Variants in RPS6KA2 observed in about 807,000 individuals in gnomAD.
The protein encoded by RPS6KA2 is ribosomal protein S6 kinase alpha-2.
A neutral mutation model predicts 91.8 loss-of-function variants in RPS6KA2; 42 were observed. The ratio of observed to expected loss-of-function variants is 0.46; its 90% CI spans 0.36 to 0.59. RPS6KA2 has a LOEUF of 0.59. Ranked by LOEUF, RPS6KA2 falls within the 20% of genes least tolerant of loss-of-function variation. RPS6KA2 has a pLI of 0.00. For missense variants in RPS6KA2, 798 were observed against 978.5 expected, an observed-to-expected ratio of 0.82 and a Z score of 2.46; for synonymous variants, 414 against 393.6, an observed-to-expected ratio of 1.05 and a Z score of -0.61.
chr6:166,651,083 C>T (rs911011499), intron 2 of RPS6KA2, among the ~76,000 whole-genome samples: 8 of 152,118 alleles, frequency 5.3e-5, no homozygotes, highest in East Asian at 1.9e-4. Context: ...GCTGTCAATC[C>T]GAAAATGTCA....
Position 166,635,770 on chromosome 6 carries a change from T to A in RPS6KA2, c.124-96986A>T, listed in dbSNP as rs1411205282. Among the ~76,000 whole-genome samples, 1 of 152,030 alleles carries A rather than the reference T, an allele frequency of 6.6e-6. No individual in the cohort carries two copies. The highest frequency in any genetic ancestry group is 1.5e-5 in the Non-Finnish European group (1 of 67,976). On this transcript the variant is annotated intron_variant, in intron 2 of 21. Coordinates refer to the RPS6KA2 transcript ENST00000503859. The surrounding 1 kb of genome is among the most constrained non-coding windows in gnomAD (Gnocchi z 4.8). The stretch of plus-strand genomic sequence containing the variant: ...CTCTGAGCCTGCCCACCTACTGCGC[T>A]CACCCCAGGACAAGCCACCATCCCC...
rs933999679 is a variant in RPS6KA2 at position 166,733,419 on chromosome 6, G to C, written c.123+124781C>G. 8.5e-5 allele frequency among the ~76,000 whole-genome samples: 13 copies of C among 152,164 alleles called. No individual in the cohort carries two copies. Among genetic ancestry groups the C allele is most frequent in the African/African-American group, 2.7e-4 (11 of 41,442 alleles). On this transcript the variant is annotated intron_variant, in intron 2 of 21. Coordinates refer to the RPS6KA2 transcript ENST00000503859. The surrounding 1 kb of genome is among the most constrained non-coding windows in gnomAD (Gnocchi z 4.1). ...TTTGCATTGTCGTCCAGGAAATTTA[G>C]AGGCCAACGAGGGCAGGATCTACTC... is the stretch of plus-strand genomic sequence containing the variant.
intron 10 of RPS6KA2, among the ~76,000 whole-genome samples, chr6:166,486,349 G>A (rs1453664168): frequency 2.0e-5 from 3 of 152,158 alleles, no homozygotes; most frequent in East Asian, 1.9e-4. Context: ...CTGATCAGGC[G>A]TCCTCCCCTC....
At chr6:166,764,339 G>A (rs904616878) in intron 2 of RPS6KA2, among the ~76,000 whole-genome samples, 2 of 152,190 alleles carry the variant, frequency 1.3e-5, no homozygotes, top group Non-Finnish European at 2.9e-5. Context: ...AGGAAGAGTG[G>A]GAGGCTCTGC....
In RPS6KA2 at chr6:166,557,002, A is replaced by T. The variant is rs944255600; in HGVS notation, c.100-18218T>A. On this transcript the variant is annotated intron_variant, in intron 1 of 20. Coordinates refer to ENST00000265678, the MANE Select transcript of RPS6KA2 (RefSeq NM_021135.6). The surrounding 1 kb of genome is among the most constrained non-coding windows in gnomAD (Gnocchi z 4.8). The stretch of plus-strand genomic sequence containing the variant: ...TGGCCAAGTCCACGAGTTCTCAGGC[A>T]AGTGCCAAGAAACCTGCATGCCAGC... 6.6e-6 allele frequency among the ~76,000 whole-genome samples: 1 copy of T among 152,246 alleles called. No homozygotes were observed. The highest frequency in any genetic ancestry group is 1.5e-5 in the Non-Finnish European group (1 of 68,042).
intron 2 of RPS6KA2, among the ~76,000 whole-genome samples, chr6:166,777,879 AAG>A (rs1306762056): frequency 6.6e-6 from 1 of 152,228 alleles, no homozygotes; most frequent in East Asian, 1.9e-4. Flanking sequence ...TAAGCTATAA[AAG>A]AGACATCTAA....
At position 166,412,517 on chromosome 6, in the gene RPS6KA2, G is replaced by A. The variant is rs1778341481; in HGVS notation, c.*245C>T. ...GCCTCGCACGGGCACGCGAGGTGAA[G>A]GGGCGCATTTGGTTTCGCTTGGGAG... On this transcript the variant is annotated 3_prime_UTR_variant, in exon 21 of 21. Coordinates refer to ENST00000265678, the MANE Select transcript of RPS6KA2 (RefSeq NM_021135.6). This position sits in a 1 kb window ranked among gnomAD's most constrained non-coding sequence, Gnocchi z 4.3. 1.6e-5 allele frequency: 6 copies of A among 372,498 alleles called. No individual in the cohort carries two copies. Among genetic ancestry groups the A allele is most frequent in the South Asian group, 6.0e-5 (1 of 16,700 alleles). The allele number at this position is 372,498 out of a possible 1,614,324, so 23.1% of individuals were successfully genotyped here. A position where few individuals can be genotyped will look rare whatever the true frequency, so the allele number is the denominator to read the frequency against.
In RPS6KA2 at chr6:166,852,376, C is replaced by T. The variant is rs1267177307; in HGVS notation, c.123+5824G>A. On this transcript the variant is annotated intron_variant, in intron 2 of 21. Coordinates refer to the RPS6KA2 transcript ENST00000503859. This position sits in a 1 kb window ranked among gnomAD's most constrained non-coding sequence, Gnocchi z 4.1. ...CTTAATTGCTTCATTAGTGCCTGGG[C>T]TTCATTATTCACCTTGTCTCACTTC... Among the ~76,000 whole-genome samples the T allele has an allele frequency of 6.6e-6, 1 of 152,206 alleles. No individual in the cohort carries two copies. Among genetic ancestry groups the T allele is most frequent in the Non-Finnish European group, 1.5e-5 (1 of 68,042 alleles).
At chr6:166,478,112 C>T (rs2294324) in intron 10 of RPS6KA2, among the ~76,000 whole-genome samples, 7,946 of 152,268 alleles carry the variant, frequency 0.052, 392 homozygotes, top group African/African-American at 0.13. Context: ...CGCATGTGGC[C>T]CCACAGGTGG....
At chr6:166,479,314 C>T (rs1407377889) in intron 10 of RPS6KA2, among the ~76,000 whole-genome samples, 1 of 152,228 alleles carries the variant, frequency 6.6e-6, no homozygotes, top group Non-Finnish European at 1.5e-5. Flanking sequence ...TTGCTCTGGA[C>T]GAAAGCACCC....
intron 10 of RPS6KA2, chr6:166,475,832 T>C (rs1305095459): frequency 1.9e-6 from 1 of 513,998 alleles, no homozygotes; most frequent in South Asian, 1.4e-5. Flanking sequence ...AGAGGGCCGT[T>C]TTCTCACCTG....
upstream of RPS6KA2, among the ~76,000 whole-genome samples, chr6:166,629,415 ACTGTT>A (rs879776847): frequency 1.4e-4 from 21 of 152,324 alleles, no homozygotes; most frequent in Admixed American, 4.6e-4. Flanking sequence ...AGGCAACAAA[ACTGTT>A]CTGTTGAACT....
Position 166,563,927 on chromosome 6 carries a change from G to A in RPS6KA2, c.100-25143C>T, listed in dbSNP as rs1253418934. Among the ~76,000 whole-genome samples, 4 of 152,150 alleles carry A rather than the reference G, an allele frequency of 2.6e-5. No homozygotes were observed. Among genetic ancestry groups the A allele is most frequent in the Non-Finnish European group, 4.4e-5 (3 of 68,028 alleles). On this transcript the variant is annotated intron_variant, in intron 1 of 20. Transcript: ENST00000265678. The surrounding 1 kb of genome is among the most constrained non-coding windows in gnomAD (Gnocchi z 4.1). The stretch of plus-strand genomic sequence containing the variant: ...ACACGCAGCTGGACGTGGCAGGAAA[G>A]AGGAGACGATTACTCCGTGTCTCAG...
chr6:166,742,461 T>C (rs1422460943), intron 2 of RPS6KA2, among the ~76,000 whole-genome samples: 2 of 152,206 alleles, frequency 1.3e-5, no homozygotes, highest in East Asian at 3.8e-4. Flanking sequence ...TGCATTTGCG[T>C]GGCAAAATGC....
At chr6:166,827,324 C>G (rs539554099) in intron 2 of RPS6KA2, among the ~76,000 whole-genome samples, 1 of 149,854 alleles carries the variant, frequency 6.7e-6, no homozygotes, top group South Asian at 2.1e-4. Flanking sequence ...AACTGCCTGT[C>G]CAACCTCGGA....
rs1019691924 is a variant in RPS6KA2 at position 166,508,784 on chromosome 6, C to A, written c.380-502G>T. Reference sequence around the variant, plus strand: ...GAGGCAGTTCTGGTGATAGGTCAGCCCAGTTATTTGAACATCAACAATGGG... The same window carrying A: ...GAGGCAGTTCTGGTGATAGGTCAGCACAGTTATTTGAACATCAACAATGGG... On this transcript the variant is annotated intron_variant, in intron 4 of 20. Transcript: ENST00000265678. This position sits in a 1 kb window ranked among gnomAD's most constrained non-coding sequence, Gnocchi z 4.3. Among the ~76,000 whole-genome samples, 4 of 152,152 alleles carry A rather than the reference C, an allele frequency of 2.6e-5. No homozygotes were observed. Among genetic ancestry groups the A allele is most frequent in the African/African-American group, 9.7e-5 (4 of 41,434 alleles).
rs1582969467 is a variant in RPS6KA2, at chr6:166,635,364, G to A, written c.124-96580C>T. The stretch of plus-strand genomic sequence containing the variant: ...CTCTGGGGTAGCACAGACAAGCCAG[G>A]GTGCGTTCACTCCCAGGCAGGAAGG... On this transcript the variant is annotated intron_variant, in intron 2 of 21. Transcript: ENST00000503859. The surrounding 1 kb of genome is among the most constrained non-coding windows in gnomAD (Gnocchi z 4.8). Among the ~76,000 whole-genome samples, 1 of 152,340 alleles carries A rather than the reference G, an allele frequency of 6.6e-6. No individual in the cohort carries two copies. The highest frequency in any genetic ancestry group is 1.5e-5 in the Non-Finnish European group (1 of 68,028).
At chr6:166,799,147 T>C (rs140881097) in intron 2 of RPS6KA2, among the ~76,000 whole-genome samples, 1 of 152,248 alleles carries the variant, frequency 6.6e-6, no homozygotes, top group African/African-American at 2.4e-5. Flanking sequence ...ACAAGTTTGC[T>C]TTAGCTCATA....
chr6:166,705,820 T>C (rs1238657130), intron 2 of RPS6KA2, among the ~76,000 whole-genome samples: 5 of 152,212 alleles, frequency 3.3e-5, no homozygotes, highest in Non-Finnish European at 5.9e-5. Context: ...TGATACAGAC[T>C]GAATGTTTGT....
Sources: allele counts gnomAD v4.1 joint callset (sites outside exome capture counted in the v4.1 genomes callset), GRCh38; gene constraint gnomAD v4.1.1; non-coding constraint Gnocchi (gnomAD v3.1); transcripts MANE v1.5; gene names NCBI Gene and HGNC (gene_info 2026-07-23, HGNC 2026-07-21).